Variants in ZMYM2 observed in about 807,000 individuals in gnomAD.
ZMYM2 encodes the protein zinc finger MYM-type protein 2.
In ZMYM2, 56 loss-of-function variants were observed where a neutral mutation model predicts 162.8. That is an observed-to-expected ratio of 0.34 (90% confidence interval 0.28 to 0.43). The LOEUF is 0.43. Among genes scored for constraint, ZMYM2 ranks in the 20% least tolerant of loss-of-function variants. The pLI is 1.00. For missense variants in ZMYM2, 1,275 were observed against 1,621.8 expected (o/e 0.79, Z 3.67); for synonymous variants, 510 against 541.6 (o/e 0.94, Z 0.81).
rs1418370726 is a variant in ZMYM2, at chr13:19,970,155, C to G, written c.-11+10129C>G. The G allele has an allele frequency of 4.2e-6, 3 of 712,300 alleles. No homozygotes were observed. In the African/African-American group the frequency reaches 5.8e-5, roughly 14 times the overall value. The allele number at this position is 712,300 out of a possible 1,614,324, so 44.1% of individuals were successfully genotyped here. A position where few individuals can be genotyped will look rare whatever the true frequency, so the allele number is the denominator to read the frequency against. On this transcript the variant is annotated intron_variant, in intron 2 of 24. Coordinates refer to ENST00000610343, the MANE Select transcript of ZMYM2 (RefSeq NM_197968.4). ...ATCAAAAACAGTCATTACACTAGAT[C>G]ATAGATTTGGAACACCAACAAGTGG... is the stretch of plus-strand genomic sequence containing the variant.
chr13:20,043,867 G>A (rs1274527559), intron 12 of ZMYM2, among the ~76,000 whole-genome samples: 1 of 152,110 alleles, frequency 6.6e-6, no homozygotes, highest in East Asian at 1.9e-4. Flanking sequence ...GAGGGAATGG[G>A]TGGCACTGCT....
chr13:19,864,764 C>T, the ZMYM2 span: 1 of 152,310 alleles, frequency 6.6e-6, no homozygotes, highest in Non-Finnish European at 1.5e-5. Context: ...GCTGCGGCCC[C>T]TGCGGGGAGC....
chr13:19,885,898 CACAT>C, the ZMYM2 span, among the ~76,000 whole-genome samples: 1 of 90,526 alleles, frequency 1.1e-5, no homozygotes, highest in African/African-American at 4.5e-5. Context: ...TATGTGTATA[CACAT>C]ATATATGTAT....
the ZMYM2 span, among the ~76,000 whole-genome samples, chr13:19,882,854 C>G: frequency 6.6e-6 from 1 of 152,150 alleles, no homozygotes; most frequent in African/African-American, 2.4e-5. Flanking sequence ...AGTGGTTCTT[C>G]AAAAGATAAA....
At chr13:19,992,369 G>A (rs1310579929) in intron 2 of ZMYM2, among the ~76,000 whole-genome samples, 1 of 152,112 alleles carries the variant, frequency 6.6e-6, no homozygotes, top group Non-Finnish European at 1.5e-5. Context: ...AGACCAGCCA[G>A]GGCAACATAG....
chr13:19,917,138 A>ATT, the ZMYM2 span, among the ~76,000 whole-genome samples: 1 of 151,848 alleles, frequency 6.6e-6, no homozygotes, highest in Non-Finnish European at 1.5e-5. Context: ...AATTTTTTGT[A>ATT]TTTTTAGTAG....
At chr13:20,054,997 T>G (rs1430644992) in intron 14 of ZMYM2, among the ~76,000 whole-genome samples, 1 of 4,804 alleles carries the variant, frequency 2.1e-4, no homozygotes, top group African/African-American at 2.3e-4. Context: ...CATGGGGTTG[T>G]TTTTTTTTTT....
chr13:19,928,090 C>T, the ZMYM2 span, among the ~76,000 whole-genome samples: 22 of 152,080 alleles, frequency 1.4e-4, no homozygotes, highest in East Asian at 3.1e-3. Context: ...GCTGCAGCCT[C>T]GACTTTCCAG....
chr13:20,040,606 G>T (rs934923560), intron 12 of ZMYM2, among the ~76,000 whole-genome samples: 2 of 152,048 alleles, frequency 1.3e-5, no homozygotes, highest in Admixed American at 1.3e-4. Context: ...GTCTCCTTCA[G>T]TTCAGCTCTA....
At chr13:20,062,565 A>C (rs1214705297) in intron 17 of ZMYM2, among the ~76,000 whole-genome samples, 1 of 152,170 alleles carries the variant, frequency 6.6e-6, no homozygotes, top group Non-Finnish European at 1.5e-5. Flanking sequence ...TACTTGTTGA[A>C]GTTGTTTTAC....
At chr13:19,947,683 AGGCTAGTCTCGAATT>A in the ZMYM2 span, among the ~76,000 whole-genome samples, 13 of 137,696 alleles carry the variant, frequency 9.4e-5, no homozygotes, top group Non-Finnish European at 9.7e-5. Flanking sequence ...AGGCTAGGCT[AGGCTAGTCTCGAATT>A]GTCTCGAATT....
At chr13:20,079,345 G>GAAAAAAAAAAAA (rs1957754259) in intron 21 of ZMYM2, among the ~76,000 whole-genome samples, 1 of 19,156 alleles carries the variant, frequency 5.2e-5, no homozygotes. Flanking sequence ...AAAAAAAAAG[G>GAAAAAAAAAAAA]ATACTTAATG....
intron 2 of ZMYM2, among the ~76,000 whole-genome samples, chr13:19,974,133 G>A (rs531830624): frequency 1.3e-5 from 2 of 152,270 alleles, no homozygotes; most frequent in African/African-American, 2.4e-5. Flanking sequence ...ACTTTAAAAG[G>A]TAGAAGAGGG....
At chr13:19,937,601 T>C in the ZMYM2 span, among the ~76,000 whole-genome samples, 1 of 148,062 alleles carries the variant, frequency 6.8e-6, no homozygotes, top group Non-Finnish European at 1.5e-5. Context: ...TTTTTAGAAA[T>C]ATGGAATATT....
intron 2 of ZMYM2, among the ~76,000 whole-genome samples, chr13:19,986,008 A>G (rs2872182): frequency 0.98 from 149,778 of 152,210 alleles, 73,740 homozygotes; most frequent in Middle Eastern, 1. Flanking sequence ...GCAACATGGC[A>G]AAACCCTGTC....
At chr13:20,033,372 C>T (rs944462980) in intron 10 of ZMYM2, among the ~76,000 whole-genome samples, 7 of 152,052 alleles carry the variant, frequency 4.6e-5, no homozygotes, top group South Asian at 2.1e-4. Context: ...GAGAGTTGAG[C>T]GTGTCCCCCT....
upstream of ZMYM2, among the ~76,000 whole-genome samples, chr13:19,956,934 T>C (rs1378094260): frequency 6.6e-6 from 1 of 152,198 alleles, no homozygotes; most frequent in African/African-American, 2.4e-5. Context: ...GTTGTGATGA[T>C]AGTTTTTCAG....
intron 17 of ZMYM2, 110 bp from the exon 18 acceptor site, chr13:20,062,736 A>AT (rs1349364495): frequency 2.1e-5 from 24 of 1,144,944 alleles, no homozygotes; most frequent in Middle Eastern, 2.4e-4. Context: ...CATTATACGT[A>AT]TTTTTTTATA....
At chr13:19,981,202 T>G (rs1279645139) in intron 2 of ZMYM2, among the ~76,000 whole-genome samples, 8 of 152,200 alleles carry the variant, frequency 5.3e-5, no homozygotes, top group Admixed American at 1.3e-4. Context: ...AGTCCAGATG[T>G]TCAAGGCTGC....
Sources: allele counts gnomAD v4.1 joint callset (sites outside exome capture counted in the v4.1 genomes callset), GRCh38; gene constraint gnomAD v4.1.1; transcripts MANE v1.5; gene names NCBI Gene and HGNC (gene_info 2026-07-23, HGNC 2026-07-21).